The following COA1 variants were observed in gnomAD, a reference collection of about 807,000 sequenced individuals.
COA1 encodes the protein cytochrome c oxidase assembly factor 1.
COA1 carries 13 observed loss-of-function variants against 16.0 expected under a neutral mutation model. The ratio of observed to expected loss-of-function variants is 0.81; its 90% CI spans 0.53 to 1.29. COA1 has a LOEUF of 1.29. Among genes scored for constraint, COA1 ranks in the 50% most tolerant of loss-of-function variants. COA1 has a pLI of 0.00. For synonymous variants in COA1, 65 were observed against 65.7 expected (o/e 0.99, Z 0.05); for missense variants, 179 against 177.0 (o/e 1.01, Z -0.06).
At chr7:43,620,629 G>A (rs193100500) in intron 6 of COA1, among the ~76,000 whole-genome samples, 11 of 151,188 alleles carry the variant, frequency 7.3e-5, no homozygotes, top group East Asian at 1.9e-4. Context: ...AGCCAAGATC[G>A]TGCCACTGCA....
At chr7:43,633,804 A>AT (rs34223598) in intron 6 of COA1, among the ~76,000 whole-genome samples, 91 of 149,828 alleles carry the variant, frequency 6.1e-4, no homozygotes, top group East Asian at 4.7e-3. Context: ...ACTCTCAGCC[A>AT]TTTTTTTTTT....
intron 6 of COA1, among the ~76,000 whole-genome samples, chr7:43,634,020 ACTCTT>A (rs1259062749): frequency 2.0e-5 from 3 of 151,858 alleles, no homozygotes; most frequent in Non-Finnish European, 2.9e-5. Flanking sequence ...TGTTTCATTT[ACTCTT>A]CTCAATTCTA....
chr7:43,634,612 C>G (rs1187529820), downstream of COA1, among the ~76,000 whole-genome samples: 1 of 152,198 alleles, frequency 6.6e-6, no homozygotes, highest in Admixed American at 6.5e-5. Context: ...AGCTCTGACA[C>G]TGCTCCAGCA....
intron 6 of COA1, among the ~76,000 whole-genome samples, chr7:43,616,627 G>A (rs2152996390): frequency 1.3e-5 from 2 of 152,316 alleles, no homozygotes; most frequent in South Asian, 4.1e-4. Context: ...GCCGGGCGCG[G>A]TGGCTCACGC....
At chr7:43,705,815 C>T (rs34500150) in intron 1 of COA1, among the ~76,000 whole-genome samples, 22,369 of 152,168 alleles carry the variant, frequency 0.15, 2,193 homozygotes, top group Non-Finnish European at 0.21. Context: ...CCCAGAGGTC[C>T]GCGGCAAGAG....
intron 1 of COA1, chr7:43,711,338 G>C (rs1254878231): frequency 1.3e-5 from 2 of 151,792 alleles, no homozygotes; most frequent in Admixed American, 6.6e-5. Context: ...AGTAATACTA[G>C]ATAACACAAT....
chr7:43,711,159 T>TA (rs1300527793), intron 1 of COA1, among the ~76,000 whole-genome samples: 13 of 152,134 alleles, frequency 8.5e-5, no homozygotes, highest in Admixed American at 8.5e-4. Flanking sequence ...TGAGAGAAAT[T>TA]AAAATGAGGG....
intron 1 of COA1, among the ~76,000 whole-genome samples, chr7:43,707,215 T>C (rs1387250129): frequency 6.6e-6 from 1 of 152,150 alleles, no homozygotes; most frequent in Non-Finnish European, 1.5e-5. Flanking sequence ...TCTCTAGTAA[T>C]CTTTAAAGAG....
At chr7:43,715,130 T>C (rs1276516040) in intron 1 of COA1, among the ~76,000 whole-genome samples, 18 of 152,104 alleles carry the variant, frequency 1.2e-4, no homozygotes, top group Admixed American at 1.2e-3. Flanking sequence ...ATATGAAAGC[T>C]TGAAACACAC....
intron 6 of COA1, chr7:43,625,108 T>C: frequency 3.3e-6 from 1 of 304,702 alleles, no homozygotes; most frequent in South Asian, 7.5e-5. Context: ...ATCCTGTTTC[T>C]CCAGAATGAG....
At chr7:43,673,537 T>C (rs2093371134) in intron 1 of COA1, among the ~76,000 whole-genome samples, 1 of 152,230 alleles carries the variant, frequency 6.6e-6, no homozygotes, top group Non-Finnish European at 1.5e-5. Context: ...ACTTACATAC[T>C]GCTAGTAGGA....
intron 1 of COA1, among the ~76,000 whole-genome samples, chr7:43,727,745 G>C (rs549254394): frequency 3.3e-5 from 5 of 152,300 alleles, no homozygotes; most frequent in African/African-American, 1.2e-4. Flanking sequence ...AATAAGTACA[G>C]GGTTTCCTTT....
chr7:43,671,134 G>C (rs1330487236), intron 1 of COA1, among the ~76,000 whole-genome samples: 1 of 152,054 alleles, frequency 6.6e-6, no homozygotes, highest in East Asian at 1.9e-4. Context: ...AAAATCAACT[G>C]AAAATGAATC....
intron 1 of COA1, among the ~76,000 whole-genome samples, chr7:43,703,055 C>T (rs1339799465): frequency 2.6e-5 from 4 of 152,066 alleles, no homozygotes; most frequent in Non-Finnish European, 5.9e-5. Flanking sequence ...TCTTTGTTTT[C>T]ATTAGTTTCA....
At chr7:43,672,438 T>C (rs1380018299) in intron 1 of COA1, among the ~76,000 whole-genome samples, 1 of 152,040 alleles carries the variant, frequency 6.6e-6, no homozygotes, top group Non-Finnish European at 1.5e-5. Flanking sequence ...ATCCCCAAAC[T>C]CAAAGGCTTT....
chr7:43,663,687 AACAC>A (rs1554519873), intron 1 of COA1, among the ~76,000 whole-genome samples: 1 of 129,264 alleles, frequency 7.7e-6, no homozygotes, highest in Admixed American at 8.1e-5. Flanking sequence ...AAAAAAAAAA[AACAC>A]ACACACAAAA....
At chr7:43,663,889 T>C (rs1369465765) in intron 1 of COA1, among the ~76,000 whole-genome samples, 2 of 151,922 alleles carry the variant, frequency 1.3e-5, no homozygotes, top group Non-Finnish European at 1.5e-5. Flanking sequence ...GGCAGGCAGA[T>C]GGCTTGAGCT....
At chr7:43,622,037 CA>C (rs1395809054) in intron 6 of COA1, among the ~76,000 whole-genome samples, 2 of 152,178 alleles carry the variant, frequency 1.3e-5, no homozygotes, top group Non-Finnish European at 2.9e-5. Flanking sequence ...GTACCGACCT[CA>C]TAGGGAATTT....
intron 1 of COA1, among the ~76,000 whole-genome samples, chr7:43,710,375 AATATAT>A (rs1554558920): frequency 5.5e-5 from 2 of 36,434 alleles, no homozygotes; most frequent in African/African-American, 1.3e-4. Flanking sequence ...AAAAAAAAAA[AATATAT>A]ATATATATAT....
Sources: gnomAD v4.1 joint callset for allele counts (sites outside exome capture counted in the v4.1 genomes callset) on GRCh38, gnomAD v4.1.1 for gene constraint, MANE v1.5 for transcripts, NCBI Gene and HGNC (gene_info 2026-07-23, HGNC 2026-07-21) for gene names.